The following STIM2 variants were observed in gnomAD, a reference collection of about 807,000 sequenced individuals.
The protein encoded by STIM2 is stromal interaction molecule 2.
A neutral mutation model predicts 85.8 loss-of-function variants in STIM2; 31 were observed. The ratio of observed to expected loss-of-function variants is 0.36; its 90% CI spans 0.27 to 0.49. STIM2 has a LOEUF of 0.49. Ranked by LOEUF, STIM2 falls within the 20% of genes least tolerant of loss-of-function variation. The probability of loss-of-function intolerance (pLI) is 0.98; values close to 1 mark genes in which losing one functional copy is unlikely to be tolerated. For synonymous variants in STIM2, 356 were observed against 331.1 expected (o/e 1.08, Z -0.82); for missense variants, 841 against 927.6 (o/e 0.91, Z 1.21).
At chr4:27,018,101 C>T in intron 11 of STIM2, 117 bp downstream of exon 11, 1 of 1,446,132 alleles carries the variant, frequency 6.9e-7, no homozygotes, top group Non-Finnish European at 9.4e-7. Flanking sequence ...ATCAAGGTAC[C>T]ACAGACTTTG....
At chr4:26,918,305 C>T (rs1356574170) in intron 1 of STIM2, among the ~76,000 whole-genome samples, 3 of 135,976 alleles carry the variant, frequency 2.2e-5, no homozygotes, top group Admixed American at 7.8e-5. Context: ...AGCTTTTTTT[C>T]TCCTAAGCAC....
intron 10 of STIM2, among the ~76,000 whole-genome samples, chr4:27,014,979 T>C (rs1728687096): frequency 6.6e-6 from 1 of 152,018 alleles, no homozygotes; most frequent in African/African-American, 2.4e-5. Flanking sequence ...ATACCTATAA[T>C]AGCTTTCTTT....
At chr4:26,934,913 CAAAAAAAA>C (rs1160656482) in intron 2 of STIM2, among the ~76,000 whole-genome samples, 64 of 57,616 alleles carry the variant, frequency 1.1e-3, no homozygotes, top group African/African-American at 3.8e-3. Context: ...AACTCCATCT[CAAAAAAAA>C]AAAAAAAAAA....
At chr4:26,938,645 G>T (rs1490182601) in intron 2 of STIM2, among the ~76,000 whole-genome samples, 1 of 152,166 alleles carries the variant, frequency 6.6e-6, no homozygotes, top group African/African-American at 2.4e-5. Context: ...ATTGTCGTAA[G>T]GTAAAGTGCT....
chr4:26,916,701 A>G (rs1278404066), intron 1 of STIM2, among the ~76,000 whole-genome samples: 2 of 151,892 alleles, frequency 1.3e-5, no homozygotes, highest in Non-Finnish European at 2.9e-5. Flanking sequence ...TTTGTACTAC[A>G]GACATATTAA....
rs577004772 is a variant in STIM2 at position 27,005,522 on chromosome 4, A to C, written c.982-2011A>C. 1.4e-4 allele frequency among the ~76,000 whole-genome samples: 21 copies of C among 152,332 alleles called. No individual in the cohort carries two copies. In the South Asian group the frequency reaches 4.1e-3, roughly 30 times the overall value. On this transcript the variant is annotated intron_variant, in intron 7 of 11. Transcript: ENST00000467087. ...TATTCCAAAGATACAAAAATCATGTAAATAATTATTACATTTTAAACAGTT... is the reference window on the plus strand; with the variant it reads ...TATTCCAAAGATACAAAAATCATGTCAATAATTATTACATTTTAAACAGTT...
At chr4:26,974,607 G>A (rs979261891) in intron 3 of STIM2, among the ~76,000 whole-genome samples, 29 of 152,102 alleles carry the variant, frequency 1.9e-4, no homozygotes, top group Admixed American at 1.4e-3. Context: ...CAAGAGATTC[G>A]CTGTTAGTCT....
Position 26,860,880 on chromosome 4 carries a change from G to A in STIM2, c.-339G>A. The A allele has an allele frequency of 3.2e-6, 3 of 942,474 alleles. No homozygotes were observed. The highest frequency in any genetic ancestry group is 3.9e-6 in the Non-Finnish European group (3 of 768,186). The allele number at this position is 942,474 out of a possible 1,614,324, so 58.4% of individuals were successfully genotyped here. ...CGGTCTCGCCGCAGCAGCAGCGCGG[G>A]TGTCGTGCACCGCCTGAAGACGCCG... On this transcript the variant is annotated 5_prime_UTR_variant, in exon 1 of 12. The change creates a new upstream start codon in the 5' untranslated region. Coordinates refer to ENST00000467087, the MANE Select transcript of STIM2 (RefSeq NM_020860.4).
chr4:26,933,317 T>G (rs1005873458), intron 2 of STIM2, among the ~76,000 whole-genome samples: 1 of 152,178 alleles, frequency 6.6e-6, no homozygotes, highest in African/African-American at 2.4e-5. Flanking sequence ...AAAGTTATTA[T>G]ATGTTGAAGA....
chr4:26,997,228 A>ATACATTCTT (rs1727989551), intron 4 of STIM2, among the ~76,000 whole-genome samples: 1 of 152,188 alleles, frequency 6.6e-6, no homozygotes, highest in Non-Finnish European at 1.5e-5. Flanking sequence ...CATAAGAACT[A>ATACATTCTT]GTTACAAGAA....
At chr4:27,011,207 G>T (rs536906053) in intron 10 of STIM2, among the ~76,000 whole-genome samples, 1 of 152,120 alleles carries the variant, frequency 6.6e-6, no homozygotes, top group East Asian at 1.9e-4. Context: ...CAATGGTTGC[G>T]TGTTTAGAAG....
chr4:27,013,261 T>C (rs1190159448), intron 10 of STIM2, among the ~76,000 whole-genome samples: 1 of 108,204 alleles, frequency 9.2e-6, no homozygotes, highest in African/African-American at 3.5e-5. Flanking sequence ...GAGGTGGGGG[T>C]GGGGGGAAAC....
chr4:26,998,641 G>C (rs1268261781), intron 4 of STIM2, among the ~76,000 whole-genome samples: 2 of 152,032 alleles, frequency 1.3e-5, no homozygotes, highest in African/African-American at 2.4e-5. Context: ...GGCTGGGAGC[G>C]GTGGTTCATG....
intron 11 of STIM2, among the ~76,000 whole-genome samples, chr4:27,018,713 T>C (rs1476317503): frequency 6.6e-6 from 1 of 152,190 alleles, no homozygotes; most frequent in Non-Finnish European, 1.5e-5. Flanking sequence ...ATGTAACTGC[T>C]TAGAGGTCAC....
chr4:27,000,546 A>G (rs932788729), intron 5 of STIM2, among the ~76,000 whole-genome samples: 7 of 152,214 alleles, frequency 4.6e-5, no homozygotes, highest in Admixed American at 1.3e-4. Flanking sequence ...TCTATTTACA[A>G]CTTGATCAGG....
At chr4:26,916,998 G>A (rs923539943) in intron 1 of STIM2, among the ~76,000 whole-genome samples, 1 of 152,060 alleles carries the variant, frequency 6.6e-6, no homozygotes, top group Non-Finnish European at 1.5e-5. Context: ...CTAGAAGTTT[G>A]TAATTTAGTT....
intron 3 of STIM2, among the ~76,000 whole-genome samples, chr4:26,983,497 C>T (rs1727477067): frequency 6.6e-6 from 1 of 152,112 alleles, no homozygotes; most frequent in Non-Finnish European, 1.5e-5. Context: ...TTTTTAAATG[C>T]TAAATGCACT....
At chr4:26,922,178 C>A (rs11729927) in intron 2 of STIM2, among the ~76,000 whole-genome samples, 40,320 of 151,768 alleles carry the variant, frequency 0.27, 5,353 homozygotes, top group East Asian at 0.41. Context: ...ATAATTCATT[C>A]TCTCAACATC....
At chr4:26,979,237 A>G (rs1386891119) in intron 3 of STIM2, among the ~76,000 whole-genome samples, 1 of 152,216 alleles carries the variant, frequency 6.6e-6, no homozygotes. Context: ...GATGAAACAT[A>G]GGTATTTTTA....
Sources: gnomAD v4.1 joint callset for allele counts (sites outside exome capture counted in the v4.1 genomes callset) on GRCh38, gnomAD v4.1.1 for gene constraint, MANE v1.5 for transcripts, NCBI Gene and HGNC (gene_info 2026-07-23, HGNC 2026-07-21) for gene names.